The following NFAT5 variants were observed in gnomAD, a reference collection of about 807,000 sequenced individuals.
NFAT5 encodes the protein nuclear factor of activated T-cells 5.
Under a neutral mutation model 166.5 loss-of-function variants are expected in NFAT5, and 31 were observed. That is an observed-to-expected ratio of 0.19 (90% CI 0.14 to 0.25). The LOEUF (loss-of-function observed/expected upper bound fraction) is 0.25, where lower values mean the gene tolerates loss of function less well. Ranked by LOEUF, NFAT5 falls within the 10% of genes least tolerant of loss-of-function variation. NFAT5 has a pLI of 1.00. For missense variants in NFAT5, 1,449 were observed against 1,821.8 expected, an observed-to-expected ratio of 0.80 and a Z score of 3.72; for synonymous variants, 612 against 639.7, an observed-to-expected ratio of 0.96 and a Z score of 0.65.
chr16:69,656,829 C>T (rs897824996), intron 6 of NFAT5, among the ~76,000 whole-genome samples: 5 of 152,112 alleles, frequency 3.3e-5, no homozygotes, highest in Non-Finnish European at 5.9e-5. Context: ...TTAAATTCAC[C>T]GTCTGTTGTT....
chr16:69,689,385 A>G (rs2037458533), intron 11 of NFAT5, among the ~76,000 whole-genome samples: 1 of 152,226 alleles, frequency 6.6e-6, no homozygotes, highest in South Asian at 2.1e-4. Context: ...TTCTCAAACT[A>G]CTTAGGTAGA....
intron 3 of NFAT5, among the ~76,000 whole-genome samples, chr16:69,637,958 C>T (rs550761896): frequency 7.2e-5 from 11 of 152,128 alleles, no homozygotes; most frequent in South Asian, 4.2e-4. Flanking sequence ...CGGTGGCTCA[C>T]GCCTGTAATC....
chr16:69,594,950 G>A (rs774108683), intron 2 of NFAT5, among the ~76,000 whole-genome samples: 2 of 152,172 alleles, frequency 1.3e-5, no homozygotes, highest in African/African-American at 2.4e-5. Flanking sequence ...AGAGATGTAG[G>A]CTGAGAGACT....
At chr16:69,597,391 G>A (rs933811498) in intron 2 of NFAT5, among the ~76,000 whole-genome samples, 9 of 152,062 alleles carry the variant, frequency 5.9e-5, no homozygotes, top group African/African-American at 2.2e-4. Context: ...TATCTCTTGC[G>A]ATTTCCTTGC....
chr16:69,689,639 A>G (rs2037469353), intron 11 of NFAT5, among the ~76,000 whole-genome samples: 1 of 152,166 alleles, frequency 6.6e-6, no homozygotes, highest in African/African-American at 2.4e-5. Flanking sequence ...CTCCTCCTGG[A>G]TTCAAGCAAT....
chr16:69,623,796 C>T (rs993767069), intron 2 of NFAT5, among the ~76,000 whole-genome samples: 2 of 149,992 alleles, frequency 1.3e-5, no homozygotes, highest in African/African-American at 4.9e-5. Context: ...CATGAGCCAC[C>T]ACACCTGGCC....
At chr16:69,621,481 A>T (rs1263699717) in intron 2 of NFAT5, among the ~76,000 whole-genome samples, 1 of 152,072 alleles carries the variant, frequency 6.6e-6, no homozygotes, top group Non-Finnish European at 1.5e-5. Context: ...TTTCTAAGGA[A>T]GTCTTTCCTC....
chr16:69,575,668 TTA>T (rs1175126506), intron 2 of NFAT5, among the ~76,000 whole-genome samples: 3 of 135,322 alleles, frequency 2.2e-5, no homozygotes, highest in Non-Finnish European at 4.7e-5. Context: ...AGAAAAAAAT[TTA>T]GTTTTAATAA....
chr16:69,630,465 T>A (rs2034664539), intron 3 of NFAT5, among the ~76,000 whole-genome samples: 1 of 152,188 alleles, frequency 6.6e-6, no homozygotes, highest in African/African-American at 2.4e-5. Flanking sequence ...GCCACCACAC[T>A]GGGCCCTCCT....
At chr16:69,569,565 A>G (rs1467112217) in intron 2 of NFAT5, among the ~76,000 whole-genome samples, 1 of 152,158 alleles carries the variant, frequency 6.6e-6, no homozygotes, top group Non-Finnish European at 1.5e-5. Flanking sequence ...TTGAATACCA[A>G]CTTAGCTCCT....
At chr16:69,652,225 G>A (rs2035700176) in intron 4 of NFAT5, among the ~76,000 whole-genome samples, 2 of 152,110 alleles carry the variant, frequency 1.3e-5, no homozygotes, top group Admixed American at 1.3e-4. Context: ...ACTGAGGCGG[G>A]AGGATCACCT....
chr16:69,683,359 C>G (rs1567604736), intron 10 of NFAT5, among the ~76,000 whole-genome samples: 1 of 151,956 alleles, frequency 6.6e-6, no homozygotes, highest in South Asian at 2.1e-4. Flanking sequence ...TGGCGAAACA[C>G]CATTTCTACC....
Position 69,670,082 on chromosome 16 carries a change from C to G in NFAT5, c.1475C>G (p.Thr492Ser). 1 of 1,612,320 alleles carries G rather than the reference C, an allele frequency of 6.2e-7. No individual in the cohort carries two copies. The highest frequency in any genetic ancestry group is 8.5e-7 in the Non-Finnish European group (1 of 1,179,566). Reference sequence around the variant, plus strand: ...ATCGGCAAGAACTTTCTGAAAGGAACTAAAGTTATTTTCCAAGAAAATGTT... The same window carrying G: ...ATCGGCAAGAACTTTCTGAAAGGAAGTAAAGTTATTTTCCAAGAAAATGTT... ...FLIGKNFLKG[T>S]KVIFQENVSD... is the part of the protein sequence containing the mutation. The change falls in exon 8 of 15, where the codon ACT (threonine) becomes AGT (serine). Residue 492 changes from threonine to serine, a missense_variant. Coordinates refer to ENST00000349945, the MANE Select transcript of NFAT5 (RefSeq NM_138713.4).
At chr16:69,612,462 A>G (rs963052246) in intron 2 of NFAT5, among the ~76,000 whole-genome samples, 2 of 152,220 alleles carry the variant, frequency 1.3e-5, no homozygotes, top group African/African-American at 4.8e-5. Context: ...TAAGTATACC[A>G]TTGTTTTAAT....
chr16:69,621,874 G>T (rs907183463), intron 2 of NFAT5, among the ~76,000 whole-genome samples: 5 of 152,114 alleles, frequency 3.3e-5, no homozygotes, highest in African/African-American at 1.2e-4. Context: ...GCAGCAGGAG[G>T]ATCTCTTGAG....
intron 2 of NFAT5, among the ~76,000 whole-genome samples, chr16:69,600,671 G>T (rs1339797591): frequency 1.4e-5 from 2 of 146,780 alleles, no homozygotes; most frequent in Non-Finnish European, 3.0e-5. Context: ...GAAATAAACA[G>T]TCATTTGCCA....
intron 11 of NFAT5, among the ~76,000 whole-genome samples, chr16:69,687,072 A>T (rs2037336837): frequency 6.6e-6 from 1 of 152,214 alleles, no homozygotes; most frequent in Non-Finnish European, 1.5e-5. Flanking sequence ...AATTAACAAG[A>T]TGGAACATAT....
intron 9 of NFAT5, among the ~76,000 whole-genome samples, chr16:69,670,962 T>C (rs1175095539): frequency 1.3e-5 from 2 of 152,036 alleles, no homozygotes; most frequent in Non-Finnish European, 2.9e-5. Context: ...AGCCTAAAAT[T>C]TAGTGTAAGC....
chr16:69,653,575 A>AT (rs61344735), intron 5 of NFAT5, 147 bp downstream of exon 5: 29,191 of 354,256 alleles, frequency 0.082, 394 homozygotes, highest in Middle Eastern at 0.11. Context: ...TTTAGAAAGA[A>AT]TTTTTTTTTT....
Sources: gnomAD v4.1 joint callset for allele counts (sites outside exome capture counted in the v4.1 genomes callset) on GRCh38, gnomAD v4.1.1 for gene constraint, MANE v1.5 for transcripts, NCBI Gene and HGNC (gene_info 2026-07-23, HGNC 2026-07-21) for gene names.